THSD7B: variants seen among roughly 807,000 people sequenced by gnomAD.
The protein encoded by THSD7B is thrombospondin type 1 domain containing 7B, also known as thrombospondin type-1 domain-containing protein 7B.
A neutral mutation model predicts 213.6 loss-of-function variants in THSD7B; 138 were observed. The ratio of observed to expected loss-of-function variants is 0.65; its 90% CI spans 0.56 to 0.74. The LOEUF (loss-of-function observed/expected upper bound fraction) is 0.74, where lower values mean the gene tolerates loss of function less well. Ranked by LOEUF, THSD7B falls within the 30% of genes least tolerant of loss-of-function variation. THSD7B has a pLI of 0.00. For missense variants in THSD7B, 1,931 were observed against 1,991.5 expected, an observed-to-expected ratio of 0.97 and a Z score of 0.58; for synonymous variants, 742 against 687.0, an observed-to-expected ratio of 1.08 and a Z score of -1.25.
At chr2:136,940,251 CTTATAAGT>C (rs1397253823) in intron 2 of THSD7B, among the ~76,000 whole-genome samples, 1 of 151,984 alleles carries the variant, frequency 6.6e-6, no homozygotes, top group Non-Finnish European at 1.5e-5. Context: ...TTAGCTCCTA[CTTATAAGT>C]TAGAACATGT....
At chr2:136,962,592 C>CTGTAAGGG (rs1685239324) in intron 2 of THSD7B, among the ~76,000 whole-genome samples, 2 of 151,764 alleles carry the variant, frequency 1.3e-5, no homozygotes, top group African/African-American at 4.8e-5. Flanking sequence ...ATGCCCTCCC[C>CTGTAAGGG]TGTAAGGGAA....
At chr2:137,648,941 TC>T in intron 21 of THSD7B, among the ~76,000 whole-genome samples, 1 of 152,212 alleles carries the variant, frequency 6.6e-6, no homozygotes, top group Non-Finnish European at 1.5e-5. Flanking sequence ...TTATTACCTG[TC>T]TTTTTTATAA....
At chr2:137,375,011 G>C (rs1685620649) in intron 12 of THSD7B, among the ~76,000 whole-genome samples, 1 of 152,086 alleles carries the variant, frequency 6.6e-6, no homozygotes, top group Non-Finnish European at 1.5e-5. Context: ...GTTCCACTTG[G>C]GTGCTATGAA....
intron 2 of THSD7B, among the ~76,000 whole-genome samples, chr2:137,002,542 T>A (rs1686020355): frequency 6.6e-6 from 1 of 152,184 alleles, no homozygotes; most frequent in Non-Finnish European, 1.5e-5. Context: ...CTTTTCCCCC[T>A]CAGTTATTTT....
At chr2:136,883,985 T>C (rs1683670596) in intron 2 of THSD7B, among the ~76,000 whole-genome samples, 1 of 152,220 alleles carries the variant, frequency 6.6e-6, no homozygotes, top group African/African-American at 2.4e-5. Flanking sequence ...ATGACTGACA[T>C]TTTAAAAGTG....
chr2:137,378,164 C>T (rs938880739), intron 12 of THSD7B, among the ~76,000 whole-genome samples: 1 of 152,092 alleles, frequency 6.6e-6, no homozygotes, highest in African/African-American at 2.4e-5. Flanking sequence ...AGCCTGGTTG[C>T]GATGAAAGCT....
intron 1 of THSD7B, among the ~76,000 whole-genome samples, chr2:136,827,051 T>C (rs1184487030): frequency 6.6e-6 from 1 of 152,196 alleles, no homozygotes; most frequent in Non-Finnish European, 1.5e-5. Flanking sequence ...AAAGAAAATA[T>C]GCCACAGATT....
rs1219395450 is a variant in THSD7B, at chr2:137,310,661, C to T, written c.2500+34635C>T. On this transcript the variant is annotated intron_variant, in intron 12 of 27. Transcript: ENST00000409968. Reference sequence around the variant, plus strand: ...AGGTCTAAGGTTTAAGGCTTTAATCCATCTTGAATTGATTTTTGTATAAGG... The same window carrying T: ...AGGTCTAAGGTTTAAGGCTTTAATCTATCTTGAATTGATTTTTGTATAAGG... 2.0e-5 allele frequency among the ~76,000 whole-genome samples: 3 copies of T among 152,164 alleles called. No individual in the cohort carries two copies. The South Asian group carries it at 6.3e-4, about 32-fold the overall frequency.
chr2:137,662,164 G>A (rs1360162262), intron 25 of THSD7B, among the ~76,000 whole-genome samples: 7 of 145,906 alleles, frequency 4.8e-5, no homozygotes, highest in African/African-American at 7.6e-5. Context: ...CTGGGTTCAC[G>A]CCATTCTCCT....
At chr2:137,319,041 G>T (rs2104876227) in intron 12 of THSD7B, among the ~76,000 whole-genome samples, 1 of 151,742 alleles carries the variant, frequency 6.6e-6, no homozygotes, top group African/African-American at 2.4e-5. Flanking sequence ...TTTTGTAATG[G>T]AGGTCATTTA....
intron 12 of THSD7B, among the ~76,000 whole-genome samples, chr2:137,284,544 T>A (rs1189300699): frequency 2.6e-5 from 4 of 152,164 alleles, no homozygotes; most frequent in Non-Finnish European, 5.9e-5. Context: ...TTTAGTGCTA[T>A]AAATTTCCCT....
At chr2:137,261,773 C>G (rs758594709) in intron 10 of THSD7B, among the ~76,000 whole-genome samples, 1 of 152,054 alleles carries the variant, frequency 6.6e-6, no homozygotes, top group African/African-American at 2.4e-5. Context: ...TTCCTTTAGT[C>G]ATGTTTTACA....
intron 15 of THSD7B, among the ~76,000 whole-genome samples, chr2:137,520,343 T>C (rs1444100458): frequency 1.3e-5 from 2 of 152,344 alleles, no homozygotes; most frequent in African/African-American, 2.4e-5. Context: ...ACGAATAGAA[T>C]TGAATTTTTA....
In THSD7B at chr2:137,548,365, T is replaced by C. The variant is rs571842060; in HGVS notation, c.3139-14856T>C. Among the ~76,000 whole-genome samples the C allele has an allele frequency of 9.9e-5, 15 of 152,180 alleles. 1 individual carries two copies. The South Asian group carries it at 3.1e-3, about 32-fold the overall frequency. On this transcript the variant is annotated intron_variant, in intron 15 of 27. Transcript: ENST00000409968. Reference sequence around the variant, plus strand: ...GTGTTTCTTCTTCCTTGTTATATACTGGAAGCTTTGCAAAAATAGTAATAG... The same window carrying C: ...GTGTTTCTTCTTCCTTGTTATATACCGGAAGCTTTGCAAAAATAGTAATAG...
intron 2 of THSD7B, among the ~76,000 whole-genome samples, chr2:136,898,319 T>C (rs933614364): frequency 6.6e-6 from 1 of 152,248 alleles, no homozygotes; most frequent in East Asian, 1.9e-4. Context: ...TTCTTTAAAT[T>C]CTGCTTTTAG....
At chr2:137,134,870 A>C (rs957108750) in intron 5 of THSD7B, among the ~76,000 whole-genome samples, 1 of 152,048 alleles carries the variant, frequency 6.6e-6, no homozygotes, top group Non-Finnish European at 1.5e-5. Context: ...TAACAATGAG[A>C]GTTTGAGAGG....
At chr2:137,100,355 A>G (rs1328685552) in intron 4 of THSD7B, among the ~76,000 whole-genome samples, 2 of 151,850 alleles carry the variant, frequency 1.3e-5, no homozygotes, top group Non-Finnish European at 2.9e-5. Flanking sequence ...CACTTAGGTT[A>G]TTTGTCTTAA....
intron 2 of THSD7B, among the ~76,000 whole-genome samples, chr2:136,999,888 A>G (rs1228653230): frequency 6.6e-6 from 1 of 152,210 alleles, no homozygotes; most frequent in Non-Finnish European, 1.5e-5. Flanking sequence ...AATTTGGCAC[A>G]TTTTGGAAAT....
chr2:137,350,114 G>A (rs948502714), intron 12 of THSD7B, among the ~76,000 whole-genome samples: 2 of 151,794 alleles, frequency 1.3e-5, no homozygotes, highest in East Asian at 3.9e-4. Flanking sequence ...GAATACAGCA[G>A]AAGATACATG....
Sources: allele counts gnomAD v4.1 joint callset (sites outside exome capture counted in the v4.1 genomes callset), GRCh38; gene constraint gnomAD v4.1.1; transcripts MANE v1.5; gene names NCBI Gene and HGNC (gene_info 2026-07-23, HGNC 2026-07-21).